AKR1C4: variants seen among roughly 807,000 people sequenced by gnomAD.
AKR1C4 encodes the protein aldo-keto reductase family 1 member C4.
Under a neutral mutation model 41.0 loss-of-function variants are expected in AKR1C4, and 44 were observed. The observed-to-expected ratio is 1.07, with a 90% CI of 0.84 to 1.38. The LOEUF is 1.38. Ranked by LOEUF, AKR1C4 falls within the 40% of genes most tolerant of loss-of-function variation. The pLI, the probability that AKR1C4 is intolerant of heterozygous loss-of-function variation, is 0.00. For missense variants in AKR1C4, 438 were observed against 387.9 expected, an observed-to-expected ratio of 1.13 and a Z score of -1.09; for synonymous variants, 165 against 137.7, an observed-to-expected ratio of 1.20 and a Z score of -1.39.
At chr10:5,214,828 G>A (rs1175280230) in intron 7 of AKR1C4, among the ~76,000 whole-genome samples, 1 of 151,860 alleles carries the variant, frequency 6.6e-6, no homozygotes, top group Non-Finnish European at 1.5e-5. Context: ...TTAAAATTTA[G>A]TAATTTAGTA....
At chr10:5,203,120 T>C (rs1564401000) in intron 2 of AKR1C4, among the ~76,000 whole-genome samples, 1 of 152,122 alleles carries the variant, frequency 6.6e-6, no homozygotes, top group Non-Finnish European at 1.5e-5. Flanking sequence ...CCTGTGGAGA[T>C]AGCAACTTTG....
chr10:5,206,288 G>A lies in AKR1C4; in HGVS notation c.461G>A (p.Cys154Tyr). The A allele has an allele frequency of 6.2e-7, 1 of 1,614,074 alleles. No individual in the cohort carries two copies. The highest frequency in any genetic ancestry group is 8.5e-7 in the Non-Finnish European group (1 of 1,179,974). ...LSATWEVMEKCKDAGLAKSIG... is the reference protein window; with the variant it reads ...LSATWEVMEKYKDAGLAKSIG... ...CTTTCTCCCCAGGTCATGGAGAAGTGTAAGGATGCAGGATTGGCCAAGTCC... is the reference window on the plus strand; with the variant it reads ...CTTTCTCCCCAGGTCATGGAGAAGTATAAGGATGCAGGATTGGCCAAGTCC... The change falls in exon 5 of 9, where the codon TGT (cysteine) becomes TAT (tyrosine). Residue 154 changes from cysteine (C) to tyrosine (Y), a missense_variant. Coordinates refer to ENST00000263126, the MANE Select transcript of AKR1C4 (RefSeq NM_001818.5).
At chr10:5,218,249 T>C (rs1349505634) in intron 8 of AKR1C4, among the ~76,000 whole-genome samples, 7 of 152,194 alleles carry the variant, frequency 4.6e-5, no homozygotes, top group African/African-American at 1.7e-4. Context: ...ATTTTCCATA[T>C]GGTAAGCAGC....
chr10:5,214,738 C>G (rs1832631555), intron 7 of AKR1C4, among the ~76,000 whole-genome samples: 1 of 152,092 alleles, frequency 6.6e-6, no homozygotes, highest in Non-Finnish European at 1.5e-5. Context: ...ATGAATGCTT[C>G]TTACCTAGAC....
intron 2 of AKR1C4, 109 bp downstream of exon 2, chr10:5,200,457 C>A: frequency 2.7e-6 from 4 of 1,473,056 alleles, no homozygotes; most frequent in South Asian, 1.5e-5. Context: ...CTTATTAGTT[C>A]CAATTTATTC....
At chr10:5,215,961 C>T (rs1554798449) in intron 7 of AKR1C4, among the ~76,000 whole-genome samples, 1 of 152,126 alleles carries the variant, frequency 6.6e-6, no homozygotes. Flanking sequence ...AACAATTTTC[C>T]ATATTAGTCC....
chr10:5,199,111 T>C (rs1832358133), intron 1 of AKR1C4, among the ~76,000 whole-genome samples: 1 of 152,122 alleles, frequency 6.6e-6, no homozygotes, highest in Non-Finnish European at 1.5e-5. Context: ...TCCATGCTAG[T>C]GATTAACCAG....
chr10:5,215,650 T>C (rs1206649273), intron 7 of AKR1C4, among the ~76,000 whole-genome samples: 1 of 152,222 alleles, frequency 6.6e-6, no homozygotes, highest in Admixed American at 6.5e-5. Context: ...TTCCACAAAG[T>C]CCTGGAATGG....
At chr10:5,201,318 T>C (rs1554796910) in intron 2 of AKR1C4, among the ~76,000 whole-genome samples, 1 of 152,200 alleles carries the variant, frequency 6.6e-6, no homozygotes, top group Non-Finnish European at 1.5e-5. Context: ...GAAGGTGATA[T>C]CTCATTGTGA....
chr10:5,208,205 A>T (rs1201597571), intron 5 of AKR1C4, among the ~76,000 whole-genome samples: 2 of 151,634 alleles, frequency 1.3e-5, no homozygotes, highest in African/African-American at 4.9e-5. Flanking sequence ...GCTTTCTGTC[A>T]TCAAATCAAC....
In AKR1C4 at chr10:5,203,278, G is replaced by C. The variant is rs929253534; in HGVS notation, c.253-1099G>C. On this transcript the variant is annotated intron_variant, in intron 2 of 8. Transcript: ENST00000263126. Reference sequence around the variant, plus strand: ...GATAATATTAATATCATGAAATTCAGTTAGGAGCTTCTTTCGATCTGTGAC... The same window carrying C: ...GATAATATTAATATCATGAAATTCACTTAGGAGCTTCTTTCGATCTGTGAC... Among the ~76,000 whole-genome samples the C allele has an allele frequency of 6.6e-5, 10 of 152,200 alleles. No individual in the cohort carries two copies. In the South Asian group the frequency reaches 2.1e-3, roughly 32 times the overall value.
At position 5,200,328 on chromosome 10, in the gene AKR1C4, G is replaced by A. The variant is rs375752748; in HGVS notation, c.232G>A (p.Asp78Asn). The part of the protein sequence containing the change: ...KIADGSVKRE[D>N]IFYTSKLWCT... ...TGCAGATGGCAGTGTGAAGAGAGAA[G>A]ACATATTCTACACTTCAAAGGTACT... Residue 78 changes from aspartate (D) to asparagine (N), a missense_variant, in exon 2 of 9, where the codon GAC (aspartate) becomes AAC (asparagine). Transcript: ENST00000263126. 44 of 1,613,786 alleles carry A rather than the reference G, an allele frequency of 2.7e-5. No homozygotes were observed. The highest frequency in any genetic ancestry group is 3.6e-5 in the Non-Finnish European group (42 of 1,179,868).
At chr10:5,217,117 T>G (rs529359335) in intron 8 of AKR1C4, among the ~76,000 whole-genome samples, 1 of 152,410 alleles carries the variant, frequency 6.6e-6, no homozygotes, top group South Asian at 2.1e-4. Context: ...CAGTAGATAT[T>G]GCCCATATGG....
rs111784931 is a variant in AKR1C4, at chr10:5,213,041, C to G, written c.728C>G (p.Ala243Gly). ...CTTTTGGAGGACCCAGTTCTTTGTG[C>G]CTTAGCAAAGAAACACAAACAAACC... ...PVLLEDPVLC[A>G]LAKKHKQTPA... Residue 243 changes from alanine (A) to glycine (G), a missense_variant, in exon 7 of 9, where the codon GCC (alanine) becomes GGC (glycine). Physicochemically the swap from Ala to Gly is moderately conservative, Grantham distance 60. Transcript: ENST00000263126. 13 of 1,614,026 alleles carry G rather than the reference C, an allele frequency of 8.1e-6. No individual in the cohort carries two copies. In the African/African-American group the frequency reaches 1.1e-4, roughly 13 times the overall value.
intron 7 of AKR1C4, among the ~76,000 whole-genome samples, chr10:5,214,682 CTTTTT>C (rs112625012): frequency 6.6e-6 from 1 of 151,968 alleles, no homozygotes; most frequent in Admixed American, 6.6e-5. Flanking sequence ...CTTTGGATAA[CTTTTT>C]TTGAGAATTT....
chr10:5,203,329 G>C (rs1342014850), intron 2 of AKR1C4, among the ~76,000 whole-genome samples: 2 of 152,168 alleles, frequency 1.3e-5, no homozygotes, highest in African/African-American at 4.8e-5. Context: ...CCAAGTTCAA[G>C]TTGGCTGACT....
intron 1 of AKR1C4, among the ~76,000 whole-genome samples, chr10:5,197,322 C>A (rs1268120319): frequency 2.0e-5 from 3 of 152,108 alleles, no homozygotes; most frequent in Non-Finnish European, 2.9e-5. Context: ...TTGAAGAAAT[C>A]TTTTATTCTT....
At chr10:5,196,974 T>C (rs1011041252) in intron 1 of AKR1C4, 23 bp downstream of exon 1, 3 of 1,609,754 alleles carry the variant, frequency 1.9e-6, no homozygotes, top group Admixed American at 1.7e-5. Context: ...TTTTCAGCAT[T>C]GAGCATTTAA....
At chr10:5,214,425 A>G (rs1832624972) in intron 7 of AKR1C4, among the ~76,000 whole-genome samples, 1 of 152,202 alleles carries the variant, frequency 6.6e-6, no homozygotes, top group Non-Finnish European at 1.5e-5. Flanking sequence ...GTTACATAAC[A>G]TTCAGTAATA....
Sources: allele counts gnomAD v4.1 joint callset (sites outside exome capture counted in the v4.1 genomes callset), GRCh38; gene constraint gnomAD v4.1.1; transcripts MANE v1.5; gene names NCBI Gene and HGNC (gene_info 2026-07-23, HGNC 2026-07-21).